CASK: variants seen among roughly 807,000 people sequenced by gnomAD.
CASK encodes the protein peripheral plasma membrane protein CASK.
A neutral mutation model predicts 82.9 loss-of-function variants in CASK; 4 were observed. The ratio of observed to expected loss-of-function variants is 0.05; its 90% CI spans 0.02 to 0.11. The LOEUF (loss-of-function observed/expected upper bound fraction) is 0.11. Among genes scored for constraint, CASK ranks in the 10% least tolerant of loss-of-function variants. The probability of loss-of-function intolerance (pLI) is 1.00; values close to 1 mark genes in which losing one functional copy is unlikely to be tolerated. For synonymous variants in CASK, 259 were observed against 253.5 expected, an observed-to-expected ratio of 1.02 and a Z score of -0.20; for missense variants, 358 against 720.9, an observed-to-expected ratio of 0.50 and a Z score of 5.76.
chrX:41,725,155 TAAA>T (rs1157360383), intron 5 of CASK, among the ~76,000 whole-genome samples: 1 of 111,706 alleles, frequency 9.0e-6, no homozygotes, highest in Non-Finnish European at 1.9e-5. Flanking sequence ...AGCAAAGAAA[TAAA>T]ATTATAAAGA....
At chrX:41,527,565 AG>A (rs1473169190) in intron 25 of CASK, among the ~76,000 whole-genome samples, 1 of 111,740 alleles carries the variant, frequency 8.9e-6, no homozygotes, top group Non-Finnish European at 1.9e-5. Flanking sequence ...CAAAAATCTA[AG>A]GGTTTAGGAA....
intron 3 of CASK, among the ~76,000 whole-genome samples, chrX:41,749,420 C>G (rs1470496450): frequency 3.0e-5 from 2 of 67,131 alleles, no homozygotes; most frequent in Non-Finnish European, 5.1e-5. Flanking sequence ...GAGTCTTGCT[C>G]TGTCACCCAG....
chrX:41,611,835 ATTGCAGGCGC>A (rs2066059055), intron 11 of CASK, among the ~76,000 whole-genome samples: 2 of 110,293 alleles, frequency 1.8e-5, no homozygotes, highest in African/African-American at 6.6e-5. Context: ...AGTGCCTGCG[ATTGCAGGCGC>A]GCGCCGCCAC....
intron 1 of CASK, among the ~76,000 whole-genome samples, chrX:41,891,196 T>G (rs1355389551): frequency 1.8e-5 from 2 of 109,948 alleles, no homozygotes; most frequent in Admixed American, 9.8e-5. Flanking sequence ...GGCCTATAAT[T>G]CTTAATTATA....
At chrX:41,723,462 G>A (rs908366030) in intron 5 of CASK, among the ~76,000 whole-genome samples, 1 of 111,905 alleles carries the variant, frequency 8.9e-6, no homozygotes, top group Admixed American at 9.5e-5. Context: ...GACTAGTCAT[G>A]GTTTCACAAT....
At chrX:41,903,837 C>T (rs918658677) in intron 1 of CASK, among the ~76,000 whole-genome samples, 18 of 111,820 alleles carry the variant, frequency 1.6e-4, no homozygotes, top group African/African-American at 4.9e-4. Flanking sequence ...TGAAATGTGG[C>T]TAAAGTAACT....
chrX:41,546,380 G>C (rs1240630014), intron 21 of CASK, among the ~76,000 whole-genome samples: 2 of 112,089 alleles, frequency 1.8e-5, no homozygotes, highest in African/African-American at 6.5e-5. Flanking sequence ...AAAGTACTGG[G>C]ATTACAGGCA....
chrX:41,560,491 C>T (rs1260886224), intron 17 of CASK, among the ~76,000 whole-genome samples: 3 of 106,380 alleles, frequency 2.8e-5, no homozygotes, highest in Non-Finnish European at 5.8e-5. Context: ...CTCAAACTCC[C>T]GACTTCAGGT....
At chrX:41,555,370 A>G (rs746424874) in intron 20 of CASK, among the ~76,000 whole-genome samples, 12 of 111,980 alleles carry the variant, frequency 1.1e-4, no homozygotes, top group Non-Finnish European at 2.1e-4. Flanking sequence ...AACCATTAAT[A>G]TAAAATTATC....
At chrX:41,790,045 T>A (rs1219951264) in intron 2 of CASK, 1 of 206,991 alleles carries the variant, frequency 4.8e-6, no homozygotes, top group Non-Finnish European at 8.3e-6. Flanking sequence ...TTCTCCTGCG[T>A]CAGCCTCCTG....
intron 3 of CASK, among the ~76,000 whole-genome samples, chrX:41,752,806 T>G (rs1250999060): frequency 1.8e-5 from 2 of 111,886 alleles, no homozygotes; most frequent in Non-Finnish European, 3.8e-5. Context: ...TTGCTTAAAG[T>G]AGGTAATCTA....
chrX:41,545,092 C>A (rs2065004655), intron 21 of CASK, among the ~76,000 whole-genome samples: 1 of 109,903 alleles, frequency 9.1e-6, no homozygotes, highest in African/African-American at 3.3e-5. Context: ...GTGGTGCAAT[C>A]TCGGCTCACT....
chrX:41,784,299 T>C (rs1253048507), intron 3 of CASK, among the ~76,000 whole-genome samples: 1 of 111,615 alleles, frequency 9.0e-6, no homozygotes, highest in Non-Finnish European at 1.9e-5. Flanking sequence ...CAAAGAGAGT[T>C]TGAGAAAAAA....
At chrX:41,639,552 G>A (rs2066615332) in intron 8 of CASK, among the ~76,000 whole-genome samples, 1 of 110,381 alleles carries the variant, frequency 9.1e-6, no homozygotes, top group Non-Finnish European at 1.9e-5. Context: ...AAGAGAGATA[G>A]ACTCTGAATA....
intron 5 of CASK, among the ~76,000 whole-genome samples, chrX:41,732,521 T>A (rs2068415121): frequency 9.0e-6 from 1 of 110,530 alleles, no homozygotes; most frequent in African/African-American, 3.3e-5. Flanking sequence ...GGAACACTGG[T>A]AATCTGCTAA....
chrX:41,803,661 A>G (rs1467982459), intron 2 of CASK, among the ~76,000 whole-genome samples: 2 of 111,796 alleles, frequency 1.8e-5, no homozygotes, highest in Non-Finnish European at 3.8e-5. Context: ...ATAACAATAA[A>G]TTACACAAGA....
intron 3 of CASK, among the ~76,000 whole-genome samples, chrX:41,775,266 CAA>C (rs1210061030): frequency 9.0e-6 from 1 of 111,373 alleles, no homozygotes; most frequent in Non-Finnish European, 1.9e-5. Flanking sequence ...TTTATGCAGC[CAA>C]AAGACACATT....
intron 2 of CASK, among the ~76,000 whole-genome samples, chrX:41,801,907 C>T (rs2070005729): frequency 9.0e-6 from 1 of 111,181 alleles, no homozygotes; most frequent in Middle Eastern, 4.6e-3. Context: ...GACTTAAATG[C>T]CCCTACGTAC....
At chrX:41,884,969 C>T (rs1195082907) in intron 1 of CASK, among the ~76,000 whole-genome samples, 1 of 112,332 alleles carries the variant, frequency 8.9e-6, no homozygotes, top group Non-Finnish European at 1.9e-5. Context: ...TTCTGTTCCA[C>T]ATTGCCAAAT....
Sources: gnomAD v4.1 joint callset for allele counts (sites outside exome capture counted in the v4.1 genomes callset) on GRCh38, gnomAD v4.1.1 for gene constraint, MANE v1.5 for transcripts, NCBI Gene and HGNC (gene_info 2026-07-23, HGNC 2026-07-21) for gene names.